The following RIN3 variants were observed in gnomAD, a reference collection of about 807,000 sequenced individuals.
RIN3 encodes Ras and Rab interactor 3.
RIN3 carries 54 observed loss-of-function variants against 76.3 expected under a neutral mutation model. The ratio of observed to expected loss-of-function variants is 0.71; its 90% CI spans 0.57 to 0.89. The LOEUF (loss-of-function observed/expected upper bound fraction) is 0.89, where lower values mean the gene tolerates loss of function less well. Ranked by LOEUF, RIN3 falls within the 40% of genes least tolerant of loss-of-function variation. The pLI, the probability that RIN3 is intolerant of heterozygous loss-of-function variation, is 0.00. For synonymous variants in RIN3, 576 were observed against 564.0 expected (o/e 1.02, Z -0.30); for missense variants, 1,256 against 1,322.1 (o/e 0.95, Z 0.78).
At chr14:92,614,023 CT>C (rs1199090366) in intron 3 of RIN3, among the ~76,000 whole-genome samples, 1 of 152,236 alleles carries the variant, frequency 6.6e-6, no homozygotes, top group African/African-American at 2.4e-5. Flanking sequence ...TTCGCCCTGG[CT>C]TTCCCAAGCA....
chr14:92,585,691 T>C (rs1052596258), intron 3 of RIN3, among the ~76,000 whole-genome samples: 2 of 152,046 alleles, frequency 1.3e-5, no homozygotes, highest in Non-Finnish European at 2.9e-5. Context: ...AGTGCAGTAG[T>C]GTGATCACAG....
chr14:92,597,218 T>A (rs1426835834), intron 3 of RIN3, among the ~76,000 whole-genome samples: 2 of 152,236 alleles, frequency 1.3e-5, no homozygotes, highest in Non-Finnish European at 2.9e-5. Flanking sequence ...TTTTTTTGGC[T>A]GTATCTTTGT....
At chr14:92,561,044 A>AAAAAAAATATATATATATATATAT (rs1555383856) in intron 2 of RIN3, among the ~76,000 whole-genome samples, 4 of 24,402 alleles carry the variant, frequency 1.6e-4, no homozygotes, top group Admixed American at 1.4e-3. Context: ...AAAAAAAAAA[A>AAAAAAAATATATATATATATATAT]ATATATATAT....
chr14:92,652,361 G>GT lies in RIN3; in HGVS notation c.1313dup (p.Lys439GlufsTer44). On this transcript the variant is annotated frameshift_variant, in exon 6 of 10. Transcript: ENST00000216487. LOFTEE classifies it high-confidence loss of function. The surrounding 1 kb of genome is among the most constrained non-coding windows in gnomAD (Gnocchi z 6.4). ...CACGGAGCAAGGCCAGGACACAGAG[G>GT]TGAAAGCCAGCGATCCTCACAGCAT... 6.2e-7 allele frequency: 1 copy of GT among 1,608,098 alleles called. No individual in the cohort carries two copies.
At chr14:92,535,309 ATTCTTTTT>A (rs1199743154) in intron 1 of RIN3, among the ~76,000 whole-genome samples, 1 of 141,618 alleles carries the variant, frequency 7.1e-6, no homozygotes, top group Non-Finnish European at 1.5e-5. Flanking sequence ...TTGTGCTTTC[ATTCTTTTT>A]TTTCTTTTCT....
chr14:92,680,743 G>A (rs1465390650), intron 8 of RIN3, among the ~76,000 whole-genome samples: 1 of 152,206 alleles, frequency 6.6e-6, no homozygotes, highest in African/African-American at 2.4e-5. Context: ...GTGTTCGACA[G>A]AAAGCCTGCA....
At chr14:92,683,118 G>A (rs1888725873) in intron 8 of RIN3, among the ~76,000 whole-genome samples, 1 of 151,920 alleles carries the variant, frequency 6.6e-6, no homozygotes, top group African/African-American at 2.4e-5. Context: ...AATGTGCCTA[G>A]ATCACGCCAT....
At chr14:92,683,086 G>A (rs952794509) in intron 8 of RIN3, among the ~76,000 whole-genome samples, 5 of 152,136 alleles carry the variant, frequency 3.3e-5, no homozygotes, top group African/African-American at 1.2e-4. Context: ...AGAATAGCTT[G>A]AACCTGGGAG....
At chr14:92,592,675 TTA>T in intron 3 of RIN3, among the ~76,000 whole-genome samples, 1 of 146,134 alleles carries the variant, frequency 6.8e-6, no homozygotes, top group Non-Finnish European at 1.5e-5. Context: ...ATTATTATTA[TTA>T]TTATTATTAT....
chr14:92,667,114 G>C (rs1888133015), intron 7 of RIN3, among the ~76,000 whole-genome samples: 1 of 152,222 alleles, frequency 6.6e-6, no homozygotes, highest in Admixed American at 6.5e-5. Flanking sequence ...GGGGGCTCTT[G>C]ATGGGGACCC....
In RIN3 at chr14:92,648,105, T is replaced by TG. The variant is rs1367458159; in HGVS notation, c.533-3477_533-3476insG. On this transcript the variant is annotated intron_variant, in intron 5 of 9. Transcript: ENST00000216487. This position sits in a 1 kb window ranked among gnomAD's most constrained non-coding sequence, Gnocchi z 4.1. ...ACTCATTTCCCTTTTTTTTTTTTTTTTGGAGCATAAAGCCCTGCAATGCCA... is the reference window on the plus strand; with the variant it reads ...ACTCATTTCCCTTTTTTTTTTTTTTTGTGGAGCATAAAGCCCTGCAATGCCA... Among the ~76,000 whole-genome samples, 1 of 151,514 alleles carries TG rather than the reference T, an allele frequency of 6.6e-6. No individual in the cohort carries two copies. The highest frequency in any genetic ancestry group is 2.4e-5 in the African/African-American group (1 of 41,168).
At chr14:92,664,358 TTC>T (rs2140156136) in intron 7 of RIN3, among the ~76,000 whole-genome samples, 1 of 102,216 alleles carries the variant, frequency 9.8e-6, no homozygotes, top group South Asian at 3.1e-4. Context: ...TTTTCTTTCT[TTC>T]TTTCTTTTTT....
chr14:92,564,372 G>A (rs556696397), intron 2 of RIN3, among the ~76,000 whole-genome samples: 7 of 152,208 alleles, frequency 4.6e-5, no homozygotes, highest in Admixed American at 3.9e-4. Flanking sequence ...GCAGACTGGC[G>A]GTACCATTTC....
chr14:92,613,119 C>G (rs1376577681), intron 3 of RIN3, among the ~76,000 whole-genome samples: 2 of 152,224 alleles, frequency 1.3e-5, no homozygotes, highest in East Asian at 3.8e-4. Context: ...TTGCCACTAA[C>G]CCACTCCAGG....
chr14:92,592,400 CAAAA>C (rs35193465), intron 3 of RIN3, among the ~76,000 whole-genome samples: 2 of 75,904 alleles, frequency 2.6e-5, no homozygotes, highest in African/African-American at 5.0e-5. Context: ...GACTCTGTCT[CAAAA>C]AAAAAAAAAA....
chr14:92,652,697 T>G lies in RIN3; in HGVS notation c.1648T>G (p.Tyr550Asp). The G allele has an allele frequency of 6.2e-7, 1 of 1,613,420 alleles. No homozygotes were observed. The highest frequency in any genetic ancestry group is 8.5e-7 in the Non-Finnish European group (1 of 1,180,026). Residue 550 changes from tyrosine to aspartate, a missense_variant, in exon 6 of 10, where the codon TAC (tyrosine) becomes GAC (aspartate). Physicochemically the swap from Tyr to Asp is radical, Grantham distance 160 (BLOSUM62 -3). Around this residue, in one of 3 missense-constraint regions of RIN3, gnomAD observed 428 missense variants for 521.2 expected, o/e 0.82. Transcript: ENST00000216487. This position sits in a 1 kb window ranked among gnomAD's most constrained non-coding sequence, Gnocchi z 6.4. ...VSVMATDQDSYSTSSTEEELE... is the reference protein window; with the variant it reads ...VSVMATDQDSDSTSSTEEELE... Reference sequence around the variant, plus strand: ...TGTCATGGCCACCGACCAGGACTCCTACTCCACCAGCAGCACGGAGGAGGA... The same window carrying G: ...TGTCATGGCCACCGACCAGGACTCCGACTCCACCAGCAGCACGGAGGAGGA...
intron 4 of RIN3, among the ~76,000 whole-genome samples, chr14:92,617,457 T>G (rs1184319518): frequency 6.6e-6 from 1 of 152,176 alleles, no homozygotes; most frequent in Non-Finnish European, 1.5e-5. Flanking sequence ...AGCCCATCAT[T>G]CATAGGTTAC....
intron 2 of RIN3, among the ~76,000 whole-genome samples, chr14:92,559,490 G>A (rs1897701443): frequency 6.6e-6 from 1 of 152,222 alleles, no homozygotes; most frequent in Non-Finnish European, 1.5e-5. Context: ...TATGAGCCAT[G>A]TTTATAAAGA....
At chr14:92,628,840 T>C (rs1886451822) in intron 4 of RIN3, among the ~76,000 whole-genome samples, 1 of 152,158 alleles carries the variant, frequency 6.6e-6, no homozygotes, top group Non-Finnish European at 1.5e-5. Context: ...AGGGCAATTA[T>C]TCCCATTCAT....
Sources: allele counts gnomAD v4.1 joint callset (sites outside exome capture counted in the v4.1 genomes callset), GRCh38; gene constraint gnomAD v4.1.1; regional missense constraint gnomAD v4.1.1; non-coding constraint Gnocchi (gnomAD v3.1); transcripts MANE v1.5; gene names NCBI Gene and HGNC (gene_info 2026-07-23, HGNC 2026-07-21).